The following PDE4D variants were observed in gnomAD, a reference collection of about 807,000 sequenced individuals.
The protein encoded by PDE4D is phosphodiesterase 4D.
A neutral mutation model predicts 87.4 loss-of-function variants in PDE4D; 24 were observed. The ratio of observed to expected loss-of-function variants is 0.27; its 90% confidence interval spans 0.20 to 0.39. The LOEUF is 0.39. PDE4D is among the 10% of genes least tolerant of loss of function. PDE4D has a pLI of 1.00. For synonymous variants in PDE4D, 384 were observed against 383.2 expected, an observed-to-expected ratio of 1.00 and a Z score of -0.02; for missense variants, 714 against 1,041.0, an observed-to-expected ratio of 0.69 and a Z score of 4.32.
At chr5:59,018,898 C>A (rs1305778442) in intron 6 of PDE4D, among the ~76,000 whole-genome samples, 2 of 151,574 alleles carry the variant, frequency 1.3e-5, no homozygotes, top group African/African-American at 4.8e-5. Flanking sequence ...AAGGTCTTAG[C>A]TATCAACTTT....
At chr5:59,124,087 T>C (rs573105822) in intron 5 of PDE4D, among the ~76,000 whole-genome samples, 83 of 152,328 alleles carry the variant, frequency 5.4e-4, no homozygotes, top group African/African-American at 2.0e-3. Flanking sequence ...GGAACAACTT[T>C]TCCTAGCCCA....
Position 59,979,963 on chromosome 5 carries a change from ATTACT to A in PDE4D, c.272+8520_272+8524del, listed in dbSNP as rs1328656421. Among the ~76,000 whole-genome samples the A allele has an allele frequency of 2.0e-5, 3 of 152,222 alleles. 1 individual carries two copies. Among genetic ancestry groups the A allele is most frequent in the African/African-American group, 7.2e-5 (3 of 41,526 alleles). On this transcript the variant is annotated intron_variant, in intron 3 of 16. Transcript: ENST00000502484. ...CTCATTTGTAGAGAAAAAAAGTTTG[ATTACT>A]TCATCCTTTAATGAATTTCAACTGA... is the stretch of plus-strand genomic sequence containing the variant.
At chr5:59,892,315 TC>T (rs1432818738) in intron 1 of PDE4D, among the ~76,000 whole-genome samples, 3 of 152,174 alleles carry the variant, frequency 2.0e-5, no homozygotes, top group Non-Finnish European at 4.4e-5. Context: ...TGCCCTGTCT[TC>T]CGGAGCACTT....
intron 5 of PDE4D, among the ~76,000 whole-genome samples, chr5:59,154,093 G>A (rs1779831001): frequency 6.6e-6 from 1 of 152,154 alleles, no homozygotes; most frequent in Non-Finnish European, 1.5e-5. Context: ...GGGGCTTTGG[G>A]TACCACACGA....
chr5:60,274,573 C>T (rs1751173243), intron 1 of PDE4D, among the ~76,000 whole-genome samples: 1 of 152,166 alleles, frequency 6.6e-6, no homozygotes, highest in Admixed American at 6.5e-5. Context: ...GTTGGCCAGG[C>T]TGGTCATGAA....
intron 1 of PDE4D, among the ~76,000 whole-genome samples, chr5:59,442,061 T>C (rs28706428): frequency 0.19 from 29,346 of 152,180 alleles, 2,998 homozygotes; most frequent in Admixed American, 0.23. Flanking sequence ...AGCATATTCC[T>C]GAGTTACCAG....
intron 1 of PDE4D, among the ~76,000 whole-genome samples, chr5:59,855,532 C>T (rs1436173542): frequency 6.6e-6 from 1 of 152,068 alleles, no homozygotes; most frequent in South Asian, 2.1e-4. Context: ...GATTATATCC[C>T]ACAGAAAAAC....
intron 1 of PDE4D, among the ~76,000 whole-genome samples, chr5:59,643,136 G>A (rs532624663): frequency 4.0e-4 from 61 of 152,174 alleles, no homozygotes; most frequent in Non-Finnish European, 5.7e-4. Flanking sequence ...GGTGATTAGA[G>A]AAAATGAATA....
At chr5:60,265,179 A>T (rs931167024) in intron 1 of PDE4D, among the ~76,000 whole-genome samples, 22 of 152,212 alleles carry the variant, frequency 1.4e-4, no homozygotes, top group African/African-American at 5.3e-4. Flanking sequence ...GATTAATAGC[A>T]GTTCGCTAGT....
At chr5:59,815,896 A>G (rs1768920708) in intron 1 of PDE4D, among the ~76,000 whole-genome samples, 1 of 152,224 alleles carries the variant, frequency 6.6e-6, no homozygotes, top group South Asian at 2.1e-4. Context: ...CATCAAGAAG[A>G]CCTGAAATTA....
chr5:59,358,091 T>C (rs6877927), intron 1 of PDE4D, among the ~76,000 whole-genome samples: 17,414 of 152,258 alleles, frequency 0.11, 1,163 homozygotes, highest in East Asian at 0.22. Context: ...TGAATATTCA[T>C]ATAATTTCAA....
chr5:59,743,865 T>C (rs1277596628), intron 1 of PDE4D, among the ~76,000 whole-genome samples: 1 of 152,086 alleles, frequency 6.6e-6, no homozygotes, highest in African/African-American at 2.4e-5. Context: ...CTGTGTTCTT[T>C]AGGACTCAGT....
intron 1 of PDE4D, among the ~76,000 whole-genome samples, chr5:60,420,337 A>G (rs373131650): frequency 2.7e-4 from 41 of 152,292 alleles, no homozygotes; most frequent in African/African-American, 9.6e-4. Flanking sequence ...ATCCTCTATC[A>G]ACACTGAATA....
chr5:60,361,452 C>T (rs1408623519), intron 1 of PDE4D, among the ~76,000 whole-genome samples: 1 of 152,102 alleles, frequency 6.6e-6, no homozygotes, highest in Non-Finnish European at 1.5e-5. Context: ...ATAAGACATT[C>T]TTTGATAATC....
chr5:59,802,306 G>A (rs1345505207), intron 1 of PDE4D, among the ~76,000 whole-genome samples: 1 of 150,758 alleles, frequency 6.6e-6, no homozygotes, highest in Non-Finnish European at 1.5e-5. Context: ...CTTTAGTTAA[G>A]AAATACATAC....
chr5:59,379,273 T>TA, intron 1 of PDE4D, among the ~76,000 whole-genome samples: 1 of 152,300 alleles, frequency 6.6e-6, no homozygotes, highest in East Asian at 1.9e-4. Context: ...TTCTGACTTT[T>TA]AGCACCACTG....
At chr5:59,358,845 G>T in intron 1 of PDE4D, among the ~76,000 whole-genome samples, 1 of 152,018 alleles carries the variant, frequency 6.6e-6, no homozygotes, top group East Asian at 1.9e-4. Flanking sequence ...TTTGTCCAGT[G>T]GTGTTTAAAT....
At chr5:59,700,269 T>C (rs1266571981) in intron 1 of PDE4D, among the ~76,000 whole-genome samples, 1 of 152,206 alleles carries the variant, frequency 6.6e-6, no homozygotes, top group Non-Finnish European at 1.5e-5. Context: ...GTTGGCTAAA[T>C]AGAAAAACAT....
At chr5:59,478,543 C>T (rs903129800) in intron 1 of PDE4D, among the ~76,000 whole-genome samples, 2 of 151,982 alleles carry the variant, frequency 1.3e-5, no homozygotes, top group African/African-American at 2.4e-5. Flanking sequence ...AAATTGGGTA[C>T]AGAAAGATCC....
Sources: gnomAD v4.1 joint callset for allele counts (sites outside exome capture counted in the v4.1 genomes callset) on GRCh38, gnomAD v4.1.1 for gene constraint, MANE v1.5 for transcripts, NCBI Gene and HGNC (gene_info 2026-07-23, HGNC 2026-07-21) for gene names.